Variants in PHLDB2 observed in about 807,000 individuals in gnomAD.
PHLDB2 encodes pleckstrin homology like domain family B member 2.
PHLDB2 carries 71 observed loss-of-function variants against 123.6 expected under a neutral mutation model. The ratio of observed to expected loss-of-function variants is 0.57; its 90% CI spans 0.47 to 0.70. The LOEUF is 0.70. Among genes scored for constraint, PHLDB2 ranks in the 30% least tolerant of loss-of-function variants. The pLI is 0.00. For synonymous variants in PHLDB2, 547 were observed against 541.6 expected, an observed-to-expected ratio of 1.01 and a Z score of -0.14; for missense variants, 1,446 against 1,519.5, an observed-to-expected ratio of 0.95 and a Z score of 0.80.
At chr3:111,905,607 T>C (rs1200314730) in intron 2 of PHLDB2, among the ~76,000 whole-genome samples, 3 of 152,126 alleles carry the variant, frequency 2.0e-5, no homozygotes, top group African/African-American at 7.2e-5. Flanking sequence ...TCCACCGCCT[T>C]GGTCTCCCAA....
intron 1 of PHLDB2, among the ~76,000 whole-genome samples, chr3:111,876,972 A>G (rs1217331005): frequency 6.6e-6 from 1 of 152,160 alleles, no homozygotes; most frequent in Non-Finnish European, 1.5e-5. Flanking sequence ...TCTATCATTG[A>G]TGGGCATTTG....
At chr3:111,807,866 G>C (rs971406635) in intron 1 of PHLDB2, among the ~76,000 whole-genome samples, 2 of 151,956 alleles carry the variant, frequency 1.3e-5, no homozygotes, top group African/African-American at 4.8e-5. Flanking sequence ...CAGCTAAATT[G>C]GGAATTATTT....
At chr3:111,947,584 C>T (rs1467944934) in intron 9 of PHLDB2, among the ~76,000 whole-genome samples, 5 of 152,086 alleles carry the variant, frequency 3.3e-5, no homozygotes, top group African/African-American at 4.8e-5. Flanking sequence ...GTTTATGACT[C>T]ATATAAATAA....
At chr3:111,903,342 T>G (rs113748416) in intron 2 of PHLDB2, among the ~76,000 whole-genome samples, 2,356 of 152,268 alleles carry the variant, frequency 0.015, 64 homozygotes, top group African/African-American at 0.053. Flanking sequence ...ATACTTAATG[T>G]GTTGCTCTGT....
At chr3:111,934,082 G>A (rs188438174) in intron 6 of PHLDB2, among the ~76,000 whole-genome samples, 84 of 152,312 alleles carry the variant, frequency 5.5e-4, no homozygotes, top group Middle Eastern at 6.8e-3. Flanking sequence ...AGGAAATGAT[G>A]CAGACAGTCT....
intron 16 of PHLDB2, among the ~76,000 whole-genome samples, chr3:111,971,524 C>A (rs1394519469): frequency 6.6e-6 from 1 of 152,168 alleles, no homozygotes; most frequent in East Asian, 1.9e-4. Flanking sequence ...AATTACATTT[C>A]ATTTGCTTTT....
intron 3 of PHLDB2, chr3:111,914,733 T>A (rs2068071730): frequency 6.6e-6 from 1 of 152,164 alleles, no homozygotes; most frequent in South Asian, 2.1e-4. Context: ...TATTTGTATT[T>A]TTTCGGCATA....
At chr3:111,744,448 T>C (rs1442073030) in intron 1 of PHLDB2, among the ~76,000 whole-genome samples, 4 of 152,218 alleles carry the variant, frequency 2.6e-5, no homozygotes, top group Admixed American at 2.0e-4. Flanking sequence ...GGACTTATTT[T>C]TAGAAAACAA....
chr3:111,960,110 A>G, intron 12 of PHLDB2: 1 of 744,160 alleles, frequency 1.3e-6, no homozygotes, highest in Non-Finnish European at 1.6e-6. Flanking sequence ...TTTTTTTGTC[A>G]TTTGCATAAT....
intron 9 of PHLDB2, among the ~76,000 whole-genome samples, chr3:111,945,999 T>A (rs1403739624): frequency 6.6e-6 from 1 of 151,618 alleles, no homozygotes; most frequent in Non-Finnish European, 1.5e-5. Flanking sequence ...AACTCTAATT[T>A]GGAAAATTAT....
chr3:111,866,394 C>T (rs912111612), intron 1 of PHLDB2, among the ~76,000 whole-genome samples: 1 of 152,126 alleles, frequency 6.6e-6, no homozygotes, highest in Non-Finnish European at 1.5e-5. Context: ...TTTGTTCCAC[C>T]TCTTGTGAGC....
At chr3:111,764,092 T>C (rs1017390769) in intron 1 of PHLDB2, among the ~76,000 whole-genome samples, 14 of 152,192 alleles carry the variant, frequency 9.2e-5, no homozygotes, top group African/African-American at 3.1e-4. Flanking sequence ...GCTACTCAAG[T>C]TGTGTGACCT....
At chr3:111,963,040 T>C (rs1478838489) in intron 13 of PHLDB2, among the ~76,000 whole-genome samples, 1 of 152,190 alleles carries the variant, frequency 6.6e-6, no homozygotes, top group African/African-American at 2.4e-5. Flanking sequence ...GGAAGCTTTT[T>C]GCTATTCTGT....
chr3:111,825,872 G>A (rs1478891950), intron 1 of PHLDB2, among the ~76,000 whole-genome samples: 1 of 152,076 alleles, frequency 6.6e-6, no homozygotes, highest in East Asian at 1.9e-4. Flanking sequence ...GAAAAATAAG[G>A]TTGAAATAAA....
At chr3:111,846,211 C>T in intron 2 of PHLDB2, 1 of 329,406 alleles carries the variant, frequency 3.0e-6, no homozygotes, top group East Asian at 5.8e-5. Context: ...GGAGGTCTTT[C>T]CCAGTGACTC....
At chr3:111,869,707 G>GTA (rs760423555) in intron 1 of PHLDB2, among the ~76,000 whole-genome samples, 1 of 22,754 alleles carries the variant, frequency 4.4e-5, no homozygotes, top group East Asian at 1.1e-3. Context: ...GTCTGTCTCT[G>GTA]TGTGTGTGTG....
chr3:111,755,553 T>G (rs2059872292), intron 1 of PHLDB2, among the ~76,000 whole-genome samples: 1 of 148,218 alleles, frequency 6.7e-6, no homozygotes, highest in Non-Finnish European at 1.5e-5. Flanking sequence ...TTCTTCTTTA[T>G]TAGTCTTGCT....
At position 111,884,960 on chromosome 3, in the gene PHLDB2, G is replaced by C. The variant is rs548907756; in HGVS notation, c.883G>C (p.Val295Leu). 3 of 1,614,006 alleles carry C rather than the reference G, an allele frequency of 1.9e-6. No individual in the cohort carries two copies. Among genetic ancestry groups the C allele is most frequent in the Non-Finnish European group, 2.5e-6 (3 of 1,179,990 alleles). ...KLGEKDLPHSVIDNDNYLNFS... is the reference protein window; with the variant it reads ...KLGEKDLPHSLIDNDNYLNFS... ...TGGGGAAAAGGATCTACCTCATAGCGTAATAGACAATGACAATTACCTTAA... is the reference window on the plus strand; with the variant it reads ...TGGGGAAAAGGATCTACCTCATAGCCTAATAGACAATGACAATTACCTTAA... Residue 295 changes from valine to leucine, a missense_variant, in exon 2 of 18, where the codon GTA (valine) becomes CTA (leucine). By Grantham distance (32) the Val-to-Leu change is conservative. Coordinates refer to ENST00000431670, the MANE Select transcript of PHLDB2 (RefSeq NM_001134438.2).
chr3:111,854,853 G>A (rs1366177477), upstream of PHLDB2, among the ~76,000 whole-genome samples: 1 of 152,152 alleles, frequency 6.6e-6, no homozygotes. Context: ...GCATCTCCAC[G>A]CTGTCACTCC....
Sources: allele counts gnomAD v4.1 joint callset (sites outside exome capture counted in the v4.1 genomes callset), GRCh38; gene constraint gnomAD v4.1.1; transcripts MANE v1.5; gene names NCBI Gene and HGNC (gene_info 2026-07-23, HGNC 2026-07-21).